The following RXRG variants were observed in gnomAD, a reference collection of about 807,000 sequenced individuals.
RXRG encodes retinoid X receptor gamma.
In RXRG, 19 loss-of-function variants were observed where a neutral mutation model predicts 49.2. The observed-to-expected ratio is 0.39, with a 90% CI of 0.27 to 0.57. RXRG has a LOEUF of 0.57. Among genes scored for constraint, RXRG ranks in the 20% least tolerant of loss-of-function variants. The probability of loss-of-function intolerance (pLI) is 0.64; values close to 1 mark genes in which losing one functional copy is unlikely to be tolerated. For missense variants in RXRG, 452 were observed against 592.5 expected (o/e 0.76, Z 2.46); for synonymous variants, 224 against 216.6 (o/e 1.03, Z -0.30).
rs764638915 is a variant in RXRG, at chr1:165,409,668, G to T, written c.936C>A (p.Ala312=). The T allele has an allele frequency of 1.9e-6, 3 of 1,538,826 alleles. No individual in the cohort carries two copies. In the African/African-American group the frequency reaches 4.2e-5, roughly 22 times the overall value. The change falls in exon 7 of 10, where the codon GCC becomes GCA. Residue 312 remains alanine, a synonymous_variant. Coordinates refer to ENST00000359842, the MANE Select transcript of RXRG (RefSeq NM_006917.5). The part of the protein sequence containing the change: ...LRAGWNELLI[A]SFSHRSVSVQ... ...CGGAAACTGAGCGGTGGGAGAAAGA[G>T]GCAATCAGCAATTCATTCCACCCTG...
rs528483467 is a variant in RXRG at position 165,419,951 on chromosome 1, T to C, written c.361A>G (p.Ile121Val). 1.2e-6 allele frequency: 2 copies of C among 1,613,374 alleles called. No homozygotes were observed. The highest frequency in any genetic ancestry group is 1.1e-5 in the South Asian group (1 of 90,888). The change falls in exon 3 of 10, where the codon ATT becomes GTT. Residue 121 changes from isoleucine to valine, a missense_variant. Coordinates refer to ENST00000359842, the MANE Select transcript of RXRG (RefSeq NM_006917.5). The part of the protein sequence containing the change: ...DIKPLPGLPG[I>V]GNMNYPSTSP... ...GTGGATGGGTAGTTCATGTTTCCAA[T>C]CCCGGGAAGCCCTGGTAAGGGCTTG...
Position 165,409,665 on chromosome 1 carries a change from A to G in RXRG, c.939T>C (p.Ser313=), listed in dbSNP as rs1349272279. 9 of 1,542,328 alleles carry G rather than the reference A, an allele frequency of 5.8e-6. No individual in the cohort carries two copies. Among genetic ancestry groups the G allele is most frequent in the Non-Finnish European group, 7.9e-6 (9 of 1,145,574 alleles). ...RAGWNELLIA[S]FSHRSVSVQD... is the part of the protein sequence containing the mutation. The stretch of plus-strand genomic sequence containing the variant: ...GCACGGAAACTGAGCGGTGGGAGAA[A>G]GAGGCAATCAGCAATTCATTCCACC... The change falls in exon 7 of 10, where the codon TCT becomes TCC. Residue 313 remains serine, a synonymous_variant. Coordinates refer to ENST00000359842, the MANE Select transcript of RXRG (RefSeq NM_006917.5).
chr1:165,401,522 G>A (rs1657565682), intron 9 of RXRG, 112 bp from the exon 10 acceptor site: 4 of 1,170,014 alleles, frequency 3.4e-6, no homozygotes, highest in Admixed American at 2.3e-5. Flanking sequence ...TGATAAAAGA[G>A]CTGGAAGGGT....
rs529506357 is a variant in RXRG, at chr1:165,419,919, G to A, written c.393C>T (p.Pro131=). 3.2e-5 allele frequency: 52 copies of A among 1,613,354 alleles called. No homozygotes were observed. Among genetic ancestry groups the A allele is most frequent in the South Asian group, 1.9e-4 (17 of 90,894 alleles). ...CACAGATGTGTTTAACCAGAGATCC[G>A]GGGCTGGTGGATGGGTAGTTCATGT... is the stretch of plus-strand genomic sequence containing the variant. ...IGNMNYPSTS[P]GSLVKHICAI... Residue 131 remains proline, a synonymous_variant, in exon 3 of 10, where the codon CCC becomes CCT. Coordinates refer to ENST00000359842, the MANE Select transcript of RXRG (RefSeq NM_006917.5).
intron 1 of RXRG, among the ~76,000 whole-genome samples, chr1:165,432,511 A>G (rs1213901589): frequency 6.6e-6 from 1 of 152,216 alleles, no homozygotes; most frequent in African/African-American, 2.4e-5. Context: ...TGGAAAATTA[A>G]TCTATTCTCC....
At chr1:165,436,126 G>T (rs898321395) in intron 1 of RXRG, among the ~76,000 whole-genome samples, 1 of 152,164 alleles carries the variant, frequency 6.6e-6, no homozygotes, top group African/African-American at 2.4e-5. Flanking sequence ...TGGATTGACT[G>T]TCAAAGCTAC....
In RXRG at chr1:165,428,808, A is replaced by G. The variant is rs1658575238; in HGVS notation, c.208T>C (p.Tyr70His). 6.2e-7 allele frequency: 1 copy of G among 1,613,956 alleles called. No homozygotes were observed. The highest frequency in any genetic ancestry group is 1.1e-5 in the South Asian group (1 of 91,084). ...GTPLNALGSP[Y>H]RVITSAMGPP... ...CCCATGGCAGAGGTGATGACTCGAT[A>G]TGGAGAGCCCAGGGCATTGAGGGGG... The change falls in exon 2 of 10, where the codon TAT (tyrosine) becomes CAT (histidine). Residue 70 changes from tyrosine to histidine, a missense_variant. By Grantham distance (83) the Tyr-to-His change is moderately conservative (BLOSUM62 2). Transcript: ENST00000359842.
intron 8 of RXRG, among the ~76,000 whole-genome samples, chr1:165,407,807 G>A (rs283693): frequency 0.99 from 151,163 of 151,992 alleles, 75,176 homozygotes; most frequent in East Asian, 1. Flanking sequence ...TCCCCATCTC[G>A]GTGAATAAGA....
At chr1:165,418,018 T>G (rs157866) in intron 3 of RXRG, among the ~76,000 whole-genome samples, 67,922 of 147,710 alleles carry the variant, frequency 0.46, 16,818 homozygotes, top group African/African-American at 0.67. Context: ...GGCTGAGGTA[T>G]GGGAATCACT....
At chr1:165,436,534 C>A (rs1381092174) in intron 1 of RXRG, among the ~76,000 whole-genome samples, 3 of 152,158 alleles carry the variant, frequency 2.0e-5, no homozygotes, top group African/African-American at 7.2e-5. Flanking sequence ...TTCGCCTGTT[C>A]TTAAAGTGTC....
intron 2 of RXRG, among the ~76,000 whole-genome samples, chr1:165,423,301 A>G (rs1262720132): frequency 6.6e-6 from 1 of 152,200 alleles, no homozygotes; most frequent in East Asian, 1.9e-4. Flanking sequence ...GCCGGGATTC[A>G]CCAGGCAACT....
intron 4 of RXRG, among the ~76,000 whole-genome samples, chr1:165,411,835 T>A (rs140103015): frequency 1.2e-3 from 176 of 152,340 alleles, no homozygotes; most frequent in Non-Finnish European, 2.0e-3. Context: ...TACATTAGGA[T>A]TGAAAGCAGA....
chr1:165,428,459 G>A (rs1658561679), intron 2 of RXRG, among the ~76,000 whole-genome samples: 1 of 152,208 alleles, frequency 6.6e-6, no homozygotes, highest in Non-Finnish European at 1.5e-5. Flanking sequence ...TCACAGCCAG[G>A]GCTGAACTGC....
chr1:165,424,522 G>T (rs1055237876), intron 2 of RXRG, among the ~76,000 whole-genome samples: 2 of 152,178 alleles, frequency 1.3e-5, no homozygotes, highest in African/African-American at 4.8e-5. Context: ...CCACGATAAA[G>T]AAAAGGAAAC....
chr1:165,409,633 C>G lies in RXRG; in HGVS notation c.971G>C (p.Gly324Ala). 1 of 1,579,134 alleles carries G rather than the reference C, an allele frequency of 6.3e-7. No homozygotes were observed. The highest frequency in any genetic ancestry group is 8.6e-7 in the Non-Finnish European group (1 of 1,162,622). ...ATGTAAACCCGTGGCCAGAAGGATGCCATCCTGCACGGAAACTGAGCGGTG... is the reference window on the plus strand; with the variant it reads ...ATGTAAACCCGTGGCCAGAAGGATGGCATCCTGCACGGAAACTGAGCGGTG... The part of the protein sequence containing the change: ...FSHRSVSVQD[G>A]ILLATGLHVH... The change falls in exon 7 of 10, where the codon GGC (glycine) becomes GCC (alanine). Residue 324 changes from glycine to alanine, a missense_variant. Physicochemically the swap from Gly to Ala is moderately conservative, Grantham distance 60. This residue lies in a region of RXRG where 286 missense variants were observed against 440.9 expected (regional missense o/e 0.65). Coordinates refer to ENST00000359842, the MANE Select transcript of RXRG (RefSeq NM_006917.5).
chr1:165,424,784 A>C, intron 2 of RXRG: 1 of 985,548 alleles, frequency 1.0e-6, no homozygotes, highest in African/African-American at 1.7e-5. Flanking sequence ...ACATGCTTCC[A>C]TCATGAATCC....
Position 165,444,685 on chromosome 1 carries a change from G to T in RXRG, c.49+160C>A, listed in dbSNP as rs570671922. ...TTTCCTCCTCTCCTCTCTCATGCAC[G>T]CGTGCACACACACGCTGAAACGCTA... On this transcript the variant is annotated intron_variant, in intron 1 of 9. Coordinates refer to ENST00000359842, the MANE Select transcript of RXRG (RefSeq NM_006917.5). Among the ~76,000 whole-genome samples the T allele has an allele frequency of 2.0e-5, 3 of 152,066 alleles. No homozygotes were observed. The South Asian group carries it at 6.2e-4, about 32-fold the overall frequency.
At chr1:165,421,778 C>T (rs1019472936) in intron 2 of RXRG, among the ~76,000 whole-genome samples, 2 of 152,048 alleles carry the variant, frequency 1.3e-5, no homozygotes, top group Non-Finnish European at 1.5e-5. Context: ...GCAATCTGCC[C>T]GTCTTGGCCT....
At chr1:165,437,192 G>A (rs1175996616) in intron 1 of RXRG, 2 of 1,367,734 alleles carry the variant, frequency 1.5e-6, no homozygotes, top group Admixed American at 1.9e-5. Context: ...GAGAGCAGGG[G>A]AAGAACACCC....
Sources: allele counts gnomAD v4.1 joint callset (sites outside exome capture counted in the v4.1 genomes callset), GRCh38; gene constraint gnomAD v4.1.1; regional missense constraint gnomAD v4.1.1; transcripts MANE v1.5; gene names NCBI Gene and HGNC (gene_info 2026-07-23, HGNC 2026-07-21).